The following TGFBR2 variants were observed in gnomAD, a reference collection of about 807,000 sequenced individuals.
TGFBR2 encodes the protein TGF-beta receptor type-2.
A neutral mutation model predicts 49.0 loss-of-function variants in TGFBR2; 18 were observed. That is an observed-to-expected ratio of 0.37 (90% CI 0.25 to 0.54). TGFBR2 has a LOEUF of 0.54. TGFBR2 is among the 20% of genes least tolerant of loss of function. TGFBR2 has a pLI of 0.85. For missense variants in TGFBR2, 525 were observed against 722.6 expected, an observed-to-expected ratio of 0.73 and a Z score of 3.13; for synonymous variants, 282 against 275.9, an observed-to-expected ratio of 1.02 and a Z score of -0.22.
chr3:30,648,463 A>ACACACACCCAG (rs1698817714), intron 2 of TGFBR2, among the ~76,000 whole-genome samples: 1 of 72,010 alleles, frequency 1.4e-5, no homozygotes, highest in Non-Finnish European at 3.1e-5. Flanking sequence ...CACACACACA[A>ACACACACCCAG]AACTGTGGGG....
chr3:30,681,524 C>G (rs1285204681), intron 5 of TGFBR2, among the ~76,000 whole-genome samples: 1 of 152,082 alleles, frequency 6.6e-6, no homozygotes. Flanking sequence ...CTCTTAAGAG[C>G]CTTTTGAGAC....
At position 30,631,621 on chromosome 3, in the gene TGFBR2, CTTTT is replaced by C. The variant is rs71093918; in HGVS notation, c.95-13107_95-13104del. 8.2e-3 allele frequency among the ~76,000 whole-genome samples: 950 copies of C among 115,396 alleles called. 20 individuals carry two copies. The East Asian group carries it at 0.095, about 12-fold the overall frequency. 75.7% of individuals were successfully genotyped at this position (115,396 alleles called of 152,430 possible). On this transcript the variant is annotated intron_variant, in intron 1 of 6. Transcript: ENST00000295754. Reference sequence around the variant, plus strand: ...CCTTAACAATACTTGCAACTTCTTTCTTTTTTTTTTTTTTTTTTTTTTACTTCCT... The same window carrying C: ...CCTTAACAATACTTGCAACTTCTTTCTTTTTTTTTTTTTTTTTTACTTCCT...
intron 1 of TGFBR2, among the ~76,000 whole-genome samples, chr3:30,637,021 G>A (rs112579037): frequency 0.017 from 2,595 of 148,984 alleles, 77 homozygotes; most frequent in African/African-American, 0.062. Context: ...CCGAGATCGC[G>A]CCACTGCACT....
Position 30,608,967 on chromosome 3 carries a change from G to A in TGFBR2, c.94+1990G>A, listed in dbSNP as rs559702886. On this transcript the variant is annotated intron_variant, in intron 1 of 6. Coordinates refer to ENST00000295754, the MANE Select transcript of TGFBR2 (RefSeq NM_003242.6). ...AAATTAGCAGGCCCTGATGTTGTTA[G>A]TTAGGTTCTGTTTACAAGGATAAGG... Among the ~76,000 whole-genome samples the A allele has an allele frequency of 5.9e-5, 9 of 152,316 alleles. No individual in the cohort carries two copies. In the South Asian group the frequency reaches 1.9e-3, roughly 32 times the overall value.
At chr3:30,679,723 C>G (rs765435510) in intron 5 of TGFBR2, among the ~76,000 whole-genome samples, 1 of 152,184 alleles carries the variant, frequency 6.6e-6, no homozygotes, top group Admixed American at 6.5e-5. Context: ...TCAGGAAGTG[C>G]GAAAGTTGTG....
At chr3:30,627,866 G>A (rs4955212) in intron 1 of TGFBR2, among the ~76,000 whole-genome samples, 37,598 of 151,784 alleles carry the variant, frequency 0.25, 4,703 homozygotes, top group Admixed American at 0.32. Flanking sequence ...ATAATGAATA[G>A]GGCAGTTATG....
At chr3:30,683,647 A>T (rs1699573699) in intron 5 of TGFBR2, among the ~76,000 whole-genome samples, 1 of 152,238 alleles carries the variant, frequency 6.6e-6, no homozygotes, top group Admixed American at 6.5e-5. Flanking sequence ...AGTTTTAATC[A>T]CATGCATTTT....
chr3:30,661,682 G>C (rs555414834), intron 3 of TGFBR2: 3 of 446,090 alleles, frequency 6.7e-6, no homozygotes, highest in African/African-American at 6.1e-5. Flanking sequence ...CTGGCTGAAA[G>C]AATCAAAACA....
chr3:30,656,210 T>C (rs1403735273), intron 3 of TGFBR2, among the ~76,000 whole-genome samples: 1 of 152,216 alleles, frequency 6.6e-6, no homozygotes, highest in East Asian at 1.9e-4. Flanking sequence ...AACAGAGCTC[T>C]CCAGTGGCAT....
chr3:30,606,684 G>A lies in TGFBR2; in HGVS notation c.-200G>A. 1 of 384,680 alleles carries A rather than the reference G, an allele frequency of 2.6e-6. No homozygotes were observed. The allele number at this position is 384,680 out of a possible 1,614,324, so 23.8% of individuals were successfully genotyped here. ...GACTCCTGTGCAGCTTCCCTCGGCCGCCGGGGGCCTCCCCGCGCCTCGCCG... is the reference window on the plus strand; with the variant it reads ...GACTCCTGTGCAGCTTCCCTCGGCCACCGGGGGCCTCCCCGCGCCTCGCCG... On this transcript the variant is annotated 5_prime_UTR_variant, in exon 1 of 7. Coordinates refer to ENST00000295754, the MANE Select transcript of TGFBR2 (RefSeq NM_003242.6).
intron 1 of TGFBR2, among the ~76,000 whole-genome samples, chr3:30,610,228 A>G (rs947700419): frequency 1.3e-5 from 2 of 152,240 alleles, no homozygotes; most frequent in South Asian, 2.1e-4. Context: ...GGAGCATGTT[A>G]TAAGTAAAGA....
At chr3:30,651,607 C>T (rs554234510) in intron 3 of TGFBR2, among the ~76,000 whole-genome samples, 1 of 152,308 alleles carries the variant, frequency 6.6e-6, no homozygotes, top group South Asian at 2.1e-4. Flanking sequence ...CTTATCATGT[C>T]CCTGTTGATG....
chr3:30,607,799 A>AAT (rs1553624165), intron 1 of TGFBR2, among the ~76,000 whole-genome samples: 3,876 of 138,310 alleles, frequency 0.028, 232 homozygotes, highest in African/African-American at 0.1. Context: ...AAAATAAAAA[A>AAT]ATATATATAT....
intron 1 of TGFBR2, among the ~76,000 whole-genome samples, chr3:30,621,819 T>G (rs1439576873): frequency 2.6e-5 from 4 of 152,178 alleles, no homozygotes; most frequent in Non-Finnish European, 5.9e-5. Context: ...TGTTATCAGT[T>G]TATTACTGAG....
At chr3:30,682,993 T>C (rs1699563538) in intron 5 of TGFBR2, among the ~76,000 whole-genome samples, 1 of 152,164 alleles carries the variant, frequency 6.6e-6, no homozygotes, top group Admixed American at 6.5e-5. Context: ...GCATGAAAGC[T>C]TCCTAAAAAG....
chr3:30,644,924 G>C lies in TGFBR2; in HGVS notation c.263+9G>C, dbSNP rs1223350512. The C allele has an allele frequency of 6.2e-6, 10 of 1,612,728 alleles. No homozygotes were observed. The highest frequency in any genetic ancestry group is 8.5e-6 in the Non-Finnish European group (10 of 1,178,916). On this transcript the variant is annotated intron_variant, in intron 2 of 6. Transcript: ENST00000295754. Reference sequence around the variant, plus strand: ...GTCTGTGTGGCTGTATGGTAAGCAAGCCTTTTAAGAAGTTATTCTTTCTTT... The same window carrying C: ...GTCTGTGTGGCTGTATGGTAAGCAACCCTTTTAAGAAGTTATTCTTTCTTT...
intron 1 of TGFBR2, among the ~76,000 whole-genome samples, chr3:30,636,155 A>ATGTGTGTG (rs61296907): frequency 0.034 from 4,616 of 134,580 alleles, 88 homozygotes; most frequent in Middle Eastern, 0.073. Flanking sequence ...ATATATATGT[A>ATGTGTGTG]TGTGTGTGTG....
rs150370234 is a variant in TGFBR2 at position 30,616,658 on chromosome 3, A to G, written c.94+9681A>G. Among the ~76,000 whole-genome samples the G allele has an allele frequency of 5.7e-4, 87 of 152,350 alleles. 1 individual carries two copies. In the East Asian group the frequency reaches 0.011, roughly 20 times the overall value. The stretch of plus-strand genomic sequence containing the variant: ...CTGTACTATTTTGTTAGTAGAATAA[A>G]TCATTGAAGTTGAGTTAGAAAATCT... On this transcript the variant is annotated intron_variant, in intron 1 of 6. Coordinates refer to ENST00000295754, the MANE Select transcript of TGFBR2 (RefSeq NM_003242.6).
chr3:30,634,754 T>C (rs1559453137), intron 1 of TGFBR2, among the ~76,000 whole-genome samples: 1 of 152,204 alleles, frequency 6.6e-6, no homozygotes, highest in Admixed American at 6.5e-5. Flanking sequence ...CCAAGTCCTG[T>C]CAACTGAGGG....
Sources: allele counts gnomAD v4.1 joint callset (sites outside exome capture counted in the v4.1 genomes callset), GRCh38; gene constraint gnomAD v4.1.1; transcripts MANE v1.5; gene names NCBI Gene and HGNC (gene_info 2026-07-23, HGNC 2026-07-21).